The following PARVB variants were observed in gnomAD, a reference collection of about 807,000 sequenced individuals.
The protein encoded by PARVB is parvin beta.
PARVB carries 46 observed loss-of-function variants against 47.0 expected under a neutral mutation model. That is an observed-to-expected ratio of 0.98 (90% confidence interval 0.77 to 1.25). PARVB has a LOEUF of 1.25. Among genes scored for constraint, PARVB ranks in the 50% most tolerant of loss-of-function variants. PARVB has a pLI of 0.00. For missense variants in PARVB, 473 were observed against 471.6 expected (o/e 1.00, Z -0.03); for synonymous variants, 196 against 196.3 (o/e 1.00, Z 0.01).
At position 44,089,963 on chromosome 22, in the gene PARVB, T is replaced by C. The variant is rs1000169519; in HGVS notation, c.113-3965T>C. ...TCTCTGTGGAATAGGGGACCTCGCC[T>C]GCCTTGTGGTCACTCTTCCTCCAGT... On this transcript the variant is annotated intron_variant, in intron 1 of 12. Coordinates refer to ENST00000338758, the MANE Select transcript of PARVB (RefSeq NM_013327.5). This position sits in a 1 kb window ranked among gnomAD's most constrained non-coding sequence, Gnocchi z 4.0. 2.0e-5 allele frequency among the ~76,000 whole-genome samples: 3 copies of C among 152,220 alleles called. No individual in the cohort carries two copies. The highest frequency in any genetic ancestry group is 7.2e-5 in the African/African-American group (3 of 41,476).
At chr22:44,012,433 G>T (rs753755909) in intron 2 of PARVB, among the ~76,000 whole-genome samples, 1 of 152,168 alleles carries the variant, frequency 6.6e-6, no homozygotes, top group Non-Finnish European at 1.5e-5. Context: ...TTCTAGGCAA[G>T]TCTGGTCATC....
Position 44,024,322 on chromosome 22 carries a change from C to T in PARVB, c.-18C>T, listed in dbSNP as rs1307187188. 5.8e-6 allele frequency: 6 copies of T among 1,029,818 alleles called. No individual in the cohort carries two copies. The highest frequency in any genetic ancestry group is 5.8e-6 in the Non-Finnish European group (5 of 858,872). The allele number at this position is 1,029,818 out of a possible 1,614,324, so 63.8% of individuals were successfully genotyped here. ...GCTCCACACGCGCTGCGCCCGCCGC[C>T]GGCCCCACGCGCGGCCCATGTCCTC... On this transcript the variant is annotated 5_prime_UTR_variant, in exon 1 of 13. Transcript: ENST00000338758.
chr22:44,166,428 G>T (rs2054168753), intron 12 of PARVB, among the ~76,000 whole-genome samples: 2 of 152,214 alleles, frequency 1.3e-5, no homozygotes, highest in African/African-American at 4.8e-5. Flanking sequence ...CGTTTTTGAG[G>T]AGTGAGGCAG....
At chr22:44,156,348 C>T (rs1303208561) in intron 10 of PARVB, among the ~76,000 whole-genome samples, 6 of 149,148 alleles carry the variant, frequency 4.0e-5, no homozygotes, top group East Asian at 2.0e-4. Flanking sequence ...GGCGCGATCG[C>T]GGCTCACTGC....
intron 8 of PARVB, chr22:44,142,778 T>G (rs962967409): frequency 6.6e-6 from 1 of 152,248 alleles, no homozygotes; most frequent in African/African-American, 2.4e-5. Context: ...CTCGTTACTT[T>G]GTAGGCTTTA....
chr22:44,120,676 A>G (rs2053024839), intron 4 of PARVB, among the ~76,000 whole-genome samples: 2 of 151,946 alleles, frequency 1.3e-5, no homozygotes, highest in African/African-American at 4.8e-5. Flanking sequence ...CCACTTTTTT[A>G]TTTGTTCTAT....
At position 44,114,517 on chromosome 22, in the gene PARVB, T is replaced by C. The variant is rs2147109285; in HGVS notation, c.274-4521T>C. ...CACAGATATATTGTTACTAAGGCCC[T>C]GTACCAACACAGATACATTGTTACT... On this transcript the variant is annotated intron_variant, in intron 3 of 12. Transcript: ENST00000338758. The C allele has an allele frequency of 2.9e-5, 2 of 68,674 alleles. 1 individual carries two copies. Among genetic ancestry groups the C allele is most frequent in the Non-Finnish European group, 5.7e-5 (2 of 35,070 alleles). The allele number at this position is 68,674 out of a possible 1,614,324, so 4.3% of individuals were successfully genotyped here.
intron 1 of PARVB, among the ~76,000 whole-genome samples, chr22:44,041,749 G>C (rs2051022568): frequency 1.3e-5 from 2 of 152,012 alleles, no homozygotes; most frequent in South Asian, 4.1e-4. Flanking sequence ...AGCCAGGCGT[G>C]GTGGCCCATG....
chr22:44,164,899 G>A (rs968136436), intron 12 of PARVB, among the ~76,000 whole-genome samples: 1 of 152,144 alleles, frequency 6.6e-6, no homozygotes, highest in Non-Finnish European at 1.5e-5. Context: ...CAGTCCACGC[G>A]GAAGGTTCCT....
At chr22:44,053,575 T>C (rs1308328770) in intron 1 of PARVB, among the ~76,000 whole-genome samples, 2 of 152,142 alleles carry the variant, frequency 1.3e-5, no homozygotes, top group Non-Finnish European at 2.9e-5. Flanking sequence ...TGTGGGTTTT[T>C]CCTGCACCAA....
chr22:44,032,296 G>A (rs1351171110), intron 1 of PARVB, among the ~76,000 whole-genome samples: 1 of 152,196 alleles, frequency 6.6e-6, no homozygotes, highest in Non-Finnish European at 1.5e-5. Context: ...CAGCATCTGG[G>A]TAGTAACATG....
intron 1 of PARVB, among the ~76,000 whole-genome samples, chr22:44,056,725 C>T (rs1042861212): frequency 4.6e-5 from 7 of 151,668 alleles, no homozygotes; most frequent in Admixed American, 6.6e-5. Flanking sequence ...AGGGTGGCCT[C>T]GAACCCCTGG....
chr22:44,168,746 C>T lies in PARVB; in HGVS notation c.*68C>T. ...GGCGGCATCCGTCTGTGCCCTGTGC[C>T]TTTCCAGGGAGCCAGGCGCCATGGG... On this transcript the variant is annotated 3_prime_UTR_variant, in exon 13 of 13. Transcript: ENST00000338758. 1 of 1,130,762 alleles carries T rather than the reference C, an allele frequency of 8.8e-7. No homozygotes were observed. Among genetic ancestry groups the T allele is most frequent in the Non-Finnish European group, 1.3e-6 (1 of 742,584 alleles). 70.0% of individuals were successfully genotyped at this position (1,130,762 alleles called of 1,614,324 possible). A position where few individuals can be genotyped will look rare whatever the true frequency, so the allele number is the denominator to read the frequency against.
chr22:44,122,584 GA>G (rs2053092252), intron 4 of PARVB, among the ~76,000 whole-genome samples: 1 of 127,454 alleles, frequency 7.8e-6, no homozygotes, highest in Non-Finnish European at 1.6e-5. Context: ...GAGAGAGAGA[GA>G]GAGAGAGAGA....
At chr22:44,164,415 C>G (rs1466970155) in intron 12 of PARVB, among the ~76,000 whole-genome samples, 1 of 139,178 alleles carries the variant, frequency 7.2e-6, no homozygotes, top group Admixed American at 6.9e-5. Flanking sequence ...CCTGTCCCCC[C>G]CCCGGCTCCT....
At chr22:44,119,952 A>G (rs2147127132) in intron 4 of PARVB, 1 of 453,504 alleles carries the variant, frequency 2.2e-6, no homozygotes. Context: ...CAGATGATGC[A>G]TGAGAGGAAT....
intron 5 of PARVB, among the ~76,000 whole-genome samples, chr22:44,132,660 G>T (rs1005124402): frequency 6.6e-6 from 1 of 151,970 alleles, no homozygotes. Flanking sequence ...TAAAAACATT[G>T]TGCTTCTAAA....
intron 1 of PARVB, among the ~76,000 whole-genome samples, chr22:44,027,243 G>A (rs1382853544): frequency 6.6e-6 from 1 of 152,168 alleles, no homozygotes; most frequent in Non-Finnish European, 1.5e-5. Context: ...CCCGTGTGCA[G>A]AGAAGACCAA....
intron 2 of PARVB, among the ~76,000 whole-genome samples, chr22:44,007,288 G>A (rs1469359478): frequency 6.6e-6 from 1 of 151,958 alleles, no homozygotes; most frequent in Non-Finnish European, 1.5e-5. Flanking sequence ...GGGCTGGGGG[G>A]AGTGGAGTCT....
Sources: allele counts gnomAD v4.1 joint callset (sites outside exome capture counted in the v4.1 genomes callset), GRCh38; gene constraint gnomAD v4.1.1; non-coding constraint Gnocchi (gnomAD v3.1); transcripts MANE v1.5; gene names NCBI Gene and HGNC (gene_info 2026-07-23, HGNC 2026-07-21).